Variants in TTLL5 observed in about 807,000 individuals in gnomAD.
TTLL5 encodes tubulin polyglutamylase TTLL5.
In TTLL5, 132 loss-of-function variants were observed where a neutral mutation model predicts 168.4. The ratio of observed to expected loss-of-function variants is 0.78; its 90% CI spans 0.68 to 0.91. TTLL5 has a LOEUF of 0.91. TTLL5 is among the 40% of genes least tolerant of loss of function. The probability of loss-of-function intolerance (pLI) is 0.00; values close to 1 mark genes in which losing one functional copy is unlikely to be tolerated. For missense variants in TTLL5, 1,545 were observed against 1,581.5 expected (o/e 0.98, Z 0.39); for synonymous variants, 546 against 558.6 (o/e 0.98, Z 0.32).
At chr14:75,699,847 A>G (rs888155741) in intron 7 of TTLL5, among the ~76,000 whole-genome samples, 8 of 152,292 alleles carry the variant, frequency 5.3e-5, no homozygotes, top group Non-Finnish European at 1.0e-4. Context: ...ATACATACAC[A>G]TGGTAAATAA....
At chr14:75,758,023 C>A (rs186692544) in intron 18 of TTLL5, among the ~76,000 whole-genome samples, 1 of 152,256 alleles carries the variant, frequency 6.6e-6, no homozygotes, top group African/African-American at 2.4e-5. Context: ...GTTTTGTCGC[C>A]ACTTTTTACA....
intron 6 of TTLL5, among the ~76,000 whole-genome samples, chr14:75,696,838 C>T (rs920467927): frequency 6.6e-6 from 1 of 152,116 alleles, no homozygotes; most frequent in Non-Finnish European, 1.5e-5. Context: ...ATACATTGCC[C>T]TGCACTTTGT....
At chr14:75,811,668 A>G (rs1894047885) in intron 27 of TTLL5, among the ~76,000 whole-genome samples, 1 of 152,214 alleles carries the variant, frequency 6.6e-6, no homozygotes, top group Non-Finnish European at 1.5e-5. Context: ...GTGATAGGCA[A>G]TACAGCACTT....
Position 75,820,081 on chromosome 14 carries a change from C to T in TTLL5, c.3246C>T (p.Ile1082=), listed in dbSNP as rs774152928. Residue 1082 remains isoleucine (I), a synonymous_variant, in exon 28 of 32, where the codon ATC becomes ATT. Transcript: ENST00000298832. The part of the protein sequence containing the change: ...SASAPPTLRP[I]ISPSGPTWST... ...CAGCTCCCCCAACCCTCCGACCCATCATCAGTCCTAGTGGCCCGACATGGT... is the reference window on the plus strand; with the variant it reads ...CAGCTCCCCCAACCCTCCGACCCATTATCAGTCCTAGTGGCCCGACATGGT... 1.2e-6 allele frequency: 2 copies of T among 1,610,256 alleles called. No homozygotes were observed. Among genetic ancestry groups the T allele is most frequent in the Non-Finnish European group, 1.7e-6 (2 of 1,178,478 alleles).
Position 75,771,723 on chromosome 14 carries a change from G to A in TTLL5, c.2016-11G>A, listed in dbSNP as rs1425771521. On this transcript the variant is annotated splice_polypyrimidine_tract_variant and intron_variant, in intron 20 of 31. Transcript: ENST00000298832. ...TGTCACATAACGGTATGTTGTTTTG[G>A]ATTTCTATAGCAAAATGCAGGCCCG... The A allele has an allele frequency of 5.6e-6, 9 of 1,612,840 alleles. No homozygotes were observed. In the East Asian group the frequency reaches 1.8e-4, roughly 32 times the overall value.
At chr14:75,701,215 A>T (rs1886245863) in intron 7 of TTLL5, among the ~76,000 whole-genome samples, 1 of 152,136 alleles carries the variant, frequency 6.6e-6, no homozygotes, top group Non-Finnish European at 1.5e-5. Context: ...TGCATAATGG[A>T]TGCAGTTTGC....
chr14:75,925,470 C>T (rs2034013244), intron 31 of TTLL5, among the ~76,000 whole-genome samples: 1 of 136,606 alleles, frequency 7.3e-6, no homozygotes, highest in Non-Finnish European at 1.6e-5. Flanking sequence ...GGGGCAGAGG[C>T]GCTCCCCACA....
In TTLL5 at chr14:75,782,545, G is replaced by C; in HGVS notation, c.2574G>C (p.Thr858=). ...TAAAGCCACCTAAACAGCAACAGAC[G>C]ACAGAAATTCATTCTGATAAATTAT... The part of the protein sequence containing the change: ...VKIKPPKQQQ[T]TEIHSDKLSR... The change falls in exon 25 of 32, where the codon ACG becomes ACC. Residue 858 remains threonine (T), a synonymous_variant. Coordinates refer to ENST00000298832, the MANE Select transcript of TTLL5 (RefSeq NM_015072.5). 6.2e-7 allele frequency: 1 copy of C among 1,613,782 alleles called. No individual in the cohort carries two copies. The highest frequency in any genetic ancestry group is 8.5e-7 in the Non-Finnish European group (1 of 1,179,874).
chr14:75,887,427 A>G (rs2032176503), intron 30 of TTLL5: 2 of 684,026 alleles, frequency 2.9e-6, no homozygotes, highest in South Asian at 6.6e-5. Context: ...TGTGTTAACC[A>G]TGTTCTGCCA....
intron 28 of TTLL5, among the ~76,000 whole-genome samples, chr14:75,857,368 A>G (rs1204451422): frequency 7.2e-6 from 1 of 138,828 alleles, no homozygotes; most frequent in Non-Finnish European, 1.6e-5. Flanking sequence ...AGTGTATTTG[A>G]TTGGTTGGTT....
intron 18 of TTLL5, among the ~76,000 whole-genome samples, chr14:75,758,223 A>G (rs1890406660): frequency 6.6e-6 from 1 of 152,222 alleles, no homozygotes; most frequent in Non-Finnish European, 1.5e-5. Context: ...CTCATGGTAC[A>G]GAAGAGAACC....
intron 30 of TTLL5, among the ~76,000 whole-genome samples, chr14:75,889,762 G>A (rs2032297872): frequency 6.6e-6 from 1 of 151,004 alleles, no homozygotes; most frequent in Admixed American, 6.6e-5. Flanking sequence ...CCTGGGATGT[G>A]GAGGTTGCAG....
intron 31 of TTLL5, among the ~76,000 whole-genome samples, chr14:75,946,884 T>C (rs1047102587): frequency 6.6e-6 from 1 of 152,170 alleles, no homozygotes; most frequent in Non-Finnish European, 1.5e-5. Flanking sequence ...GGAAGGGAAC[T>C]CCAGGTGGAG....
chr14:75,924,676 A>T lies in TTLL5; in HGVS notation c.3823+22452A>T, dbSNP rs893096346. On this transcript the variant is annotated intron_variant, in intron 31 of 31. Coordinates refer to ENST00000298832, the MANE Select transcript of TTLL5 (RefSeq NM_015072.5). Reference sequence around the variant, plus strand: ...AGAACAAAATGAAAAGTCTCCCATGACTACTTCCCTCTACACAGACACGGC... The same window carrying T: ...AGAACAAAATGAAAAGTCTCCCATGTCTACTTCCCTCTACACAGACACGGC... 2.6e-5 allele frequency among the ~76,000 whole-genome samples: 4 copies of T among 152,066 alleles called. No individual in the cohort carries two copies. The South Asian group carries it at 8.3e-4, about 32-fold the overall frequency.
chr14:75,757,744 A>T, intron 18 of TTLL5: 1 of 1,218,502 alleles, frequency 8.2e-7, no homozygotes. Flanking sequence ...TCTGTATTAA[A>T]AATTTCTGGA....
intron 30 of TTLL5, among the ~76,000 whole-genome samples, chr14:75,890,344 T>C (rs2140050693): frequency 6.6e-6 from 1 of 152,300 alleles, no homozygotes; most frequent in Admixed American, 6.5e-5. Flanking sequence ...TAAAATTAGT[T>C]AAGTTCAAAA....
chr14:75,776,629 A>G (rs932388361), intron 22 of TTLL5, 118 bp from the exon 23 acceptor site: 7 of 584,194 alleles, frequency 1.2e-5, no homozygotes, highest in Non-Finnish European at 2.0e-5. Flanking sequence ...CAAGAATTAA[A>G]TGTCTTTACT....
At position 75,683,962 on chromosome 14, in the gene TTLL5, C is replaced by A; in HGVS notation, c.371+306C>A. On this transcript the variant is annotated intron_variant, in intron 5 of 31. Coordinates refer to ENST00000298832, the MANE Select transcript of TTLL5 (RefSeq NM_015072.5). ...CTAATTTTTGTATCTTTGGGAGAGACGAGGTTTCGCCATGTAGGCCAGGCT... is the reference window on the plus strand; with the variant it reads ...CTAATTTTTGTATCTTTGGGAGAGAAGAGGTTTCGCCATGTAGGCCAGGCT... The A allele has an allele frequency of 1.5e-5, 4 of 264,722 alleles. No individual in the cohort carries two copies. In the South Asian group the frequency reaches 1.5e-4, roughly 10 times the overall value. The allele number at this position is 264,722 out of a possible 1,614,324, so 16.4% of individuals were successfully genotyped here.
Position 75,775,471 on chromosome 14 carries a change from C to T in TTLL5, c.2137-13C>T, listed in dbSNP as rs1478384312. ...CCTCCTTTTTTTTTCTCCCACGACT[C>T]TTTAATTTATAGGAGCTGGTTGTTC... On this transcript the variant is annotated splice_polypyrimidine_tract_variant and intron_variant, in intron 21 of 31. Transcript: ENST00000298832. 6 of 1,611,630 alleles carry T rather than the reference C, an allele frequency of 3.7e-6. No homozygotes were observed. The highest frequency in any genetic ancestry group is 1.7e-5 in the Admixed American group (1 of 59,710).
Sources: allele counts gnomAD v4.1 joint callset (sites outside exome capture counted in the v4.1 genomes callset), GRCh38; gene constraint gnomAD v4.1.1; transcripts MANE v1.5; gene names NCBI Gene and HGNC (gene_info 2026-07-23, HGNC 2026-07-21).